CACNA1A: variants seen among roughly 807,000 people sequenced by gnomAD.
CACNA1A encodes the protein voltage-dependent P/Q-type calcium channel subunit alpha-1A.
Under a neutral mutation model 262.4 loss-of-function variants are expected in CACNA1A, and 57 were observed. That is an observed-to-expected ratio of 0.22 (90% CI 0.18 to 0.27). CACNA1A has a LOEUF of 0.27. CACNA1A is among the 10% of genes least tolerant of loss of function. The pLI, the probability that CACNA1A is intolerant of heterozygous loss-of-function variation, is 1.00. For missense variants in CACNA1A, 2,526 were observed against 3,562.8 expected (o/e 0.71, Z 7.41); for synonymous variants, 1,431 against 1,419.3 (o/e 1.01, Z -0.18).
chr19:13,353,516 G>A (rs539760490), intron 6 of CACNA1A, among the ~76,000 whole-genome samples: 1 of 152,132 alleles, frequency 6.6e-6, no homozygotes, highest in Admixed American at 6.5e-5. Flanking sequence ...GACATAATAT[G>A]CCATCATACG....
In CACNA1A at chr19:13,371,640, C is replaced by T. The variant is rs945582098; in HGVS notation, c.631+48G>A. On this transcript the variant is annotated intron_variant, in intron 4 of 46. Coordinates refer to ENST00000360228, the MANE Select transcript of CACNA1A (RefSeq NM_001127222.2). ...CTCTGCATAGGGGAAACTGAGGGCT[C>T]CTGGGGCCCGTGAGCAAACCCCTTG... The T allele has an allele frequency of 6.4e-6, 9 of 1,400,856 alleles. No homozygotes were observed. In the Admixed American group the frequency reaches 7.9e-5, roughly 12 times the overall value. 86.8% of individuals were successfully genotyped at this position (1,400,856 alleles called of 1,614,324 possible). A position where few individuals can be genotyped will look rare whatever the true frequency, so the allele number is the denominator to read the frequency against.
chr19:13,310,489 A>AAAT, intron 12 of CACNA1A, among the ~76,000 whole-genome samples: 1 of 20,378 alleles, frequency 4.9e-5, no homozygotes, highest in Non-Finnish European at 7.8e-5. Flanking sequence ...AAAAAAAAAA[A>AAAT]ATATATATAT....
At chr19:13,479,041 G>T (rs1220134681) in intron 1 of CACNA1A, among the ~76,000 whole-genome samples, 1 of 152,184 alleles carries the variant, frequency 6.6e-6, no homozygotes, top group East Asian at 1.9e-4. Flanking sequence ...AGGCATGGTG[G>T]TGGGTGCCTG....
chr19:13,407,556 C>CA lies in CACNA1A; in HGVS notation c.540-35778dup, dbSNP rs1207270160. Among the ~76,000 whole-genome samples the CA allele has an allele frequency of 4.6e-5, 7 of 152,296 alleles. No individual in the cohort carries two copies. The East Asian group carries it at 1.4e-3, about 29-fold the overall frequency. On this transcript the variant is annotated intron_variant, in intron 3 of 46. Coordinates refer to ENST00000360228, the MANE Select transcript of CACNA1A (RefSeq NM_001127222.2). Reference sequence around the variant, plus strand: ...ATAAGTACTAGCTCTTATTGACACTCAGAGATCTGCTTCTTCTTTTTGTAA... The same window carrying CA: ...ATAAGTACTAGCTCTTATTGACACTCAAGAGATCTGCTTCTTCTTTTTGTAA...
intron 12 of CACNA1A, among the ~76,000 whole-genome samples, chr19:13,309,730 T>C (rs2057979377): frequency 6.6e-6 from 1 of 151,992 alleles, no homozygotes; most frequent in South Asian, 2.1e-4. Context: ...AAAAGGGACA[T>C]GTGGATACCC....
At chr19:13,414,324 A>C (rs548650413) in intron 3 of CACNA1A, among the ~76,000 whole-genome samples, 2 of 152,026 alleles carry the variant, frequency 1.3e-5, no homozygotes, top group Non-Finnish European at 2.9e-5. Flanking sequence ...CTTGAGCCCA[A>C]GAAGTCGAGG....
chr19:13,469,759 G>C (rs1029410690), intron 1 of CACNA1A, among the ~76,000 whole-genome samples: 2 of 151,238 alleles, frequency 1.3e-5, no homozygotes, highest in African/African-American at 4.9e-5. Context: ...GCGCCCGGCT[G>C]AACCACCTCC....
chr19:13,367,294 CAAAA>C (rs71168702), intron 4 of CACNA1A, among the ~76,000 whole-genome samples: 2,043 of 64,572 alleles, frequency 0.032, 29 homozygotes, highest in African/African-American at 0.13. Flanking sequence ...GACTCTGTCT[CAAAA>C]AAAAAAAAAA....
At chr19:13,492,617 C>T (rs552372984) in intron 1 of CACNA1A, among the ~76,000 whole-genome samples, 17 of 152,196 alleles carry the variant, frequency 1.1e-4, no homozygotes, top group African/African-American at 3.9e-4. Context: ...GGTGGAAAAA[C>T]GGCTGGTCTC....
intron 23 of CACNA1A, 128 bp from the exon 24 acceptor site, chr19:13,276,084 G>T: frequency 1.6e-6 from 1 of 634,778 alleles, no homozygotes; most frequent in Non-Finnish European, 2.8e-6. Flanking sequence ...TGCAGGGATG[G>T]GCAGTGGCCA....
chr19:13,487,322 AG>A (rs1980136453), intron 1 of CACNA1A, among the ~76,000 whole-genome samples: 1 of 152,204 alleles, frequency 6.6e-6, no homozygotes, highest in Non-Finnish European at 1.5e-5. Flanking sequence ...AGGTGGGGGC[AG>A]CCCCCAGTGG....
intron 1 of CACNA1A, among the ~76,000 whole-genome samples, chr19:13,458,636 C>T (rs562573366): frequency 2.6e-5 from 4 of 152,306 alleles, no homozygotes; most frequent in Admixed American, 2.6e-4. Context: ...AGGTAAACTC[C>T]TCCCTGCATC....
intron 10 of CACNA1A, among the ~76,000 whole-genome samples, chr19:13,328,558 C>T (rs967110151): frequency 1.3e-5 from 2 of 152,080 alleles, no homozygotes; most frequent in South Asian, 4.1e-4. Flanking sequence ...CAGAATGGCT[C>T]TTTGAATAAT....
intron 3 of CACNA1A, among the ~76,000 whole-genome samples, chr19:13,382,034 G>A (rs1358014170): frequency 2.6e-5 from 4 of 152,150 alleles, no homozygotes; most frequent in Non-Finnish European, 5.9e-5. Context: ...CTGCATTGAC[G>A]CAGTTGAACG....
intron 3 of CACNA1A, among the ~76,000 whole-genome samples, chr19:13,385,143 A>G (rs1401782362): frequency 6.6e-6 from 1 of 151,970 alleles, no homozygotes; most frequent in East Asian, 1.9e-4. Flanking sequence ...GCATACATAC[A>G]TACTTCATCA....
chr19:13,304,711 T>C (rs1357276573), intron 15 of CACNA1A, among the ~76,000 whole-genome samples: 2 of 149,106 alleles, frequency 1.3e-5, no homozygotes, highest in African/African-American at 5.0e-5. Context: ...TCTCTCTCTC[T>C]CTCTTTGACA....
At chr19:13,358,303 C>T (rs1241162493) in intron 6 of CACNA1A, among the ~76,000 whole-genome samples, 4 of 152,066 alleles carry the variant, frequency 2.6e-5, no homozygotes, top group Non-Finnish European at 4.4e-5. Context: ...TGGTGGCTCA[C>T]GCCTGTAATC....
chr19:13,405,154 C>T (rs2059980332), intron 3 of CACNA1A, among the ~76,000 whole-genome samples: 1 of 151,846 alleles, frequency 6.6e-6, no homozygotes, highest in African/African-American at 2.4e-5. Context: ...CCTTGGCCTC[C>T]CAAAGTGCTG....
rs1226902263 is a variant in CACNA1A at position 13,212,581 on chromosome 19, G to A, written c.6050+50C>T. On this transcript the variant is annotated intron_variant, in intron 41 of 46. Transcript: ENST00000360228. The surrounding 1 kb of genome is among the most constrained non-coding windows in gnomAD (Gnocchi z 5.6). ...GCGCTTGGGCAGCTTCCAGAACGTG[G>A]GGACCACGGCACCCCCACACTCCAC... The A allele has an allele frequency of 6.6e-7, 1 of 1,513,814 alleles. No homozygotes were observed. 93.8% of individuals were successfully genotyped at this position (1,513,814 alleles called of 1,614,324 possible).
Sources: allele counts gnomAD v4.1 joint callset (sites outside exome capture counted in the v4.1 genomes callset), GRCh38; gene constraint gnomAD v4.1.1; non-coding constraint Gnocchi (gnomAD v3.1); transcripts MANE v1.5; gene names NCBI Gene and HGNC (gene_info 2026-07-23, HGNC 2026-07-21).